Variants in KY observed in about 807,000 individuals in gnomAD.
KY encodes kyphoscoliosis peptidase.
A neutral mutation model predicts 76.1 loss-of-function variants in KY; 43 were observed. The ratio of observed to expected loss-of-function variants is 0.57; its 90% CI spans 0.44 to 0.73. KY has a LOEUF of 0.73. Among genes scored for constraint, KY ranks in the 30% least tolerant of loss-of-function variants. The pLI is 0.00. For missense variants in KY, 722 were observed against 828.9 expected (o/e 0.87, Z 1.58); for synonymous variants, 277 against 326.2 (o/e 0.85, Z 1.63).
chr3:134,644,100 T>C (rs540441999), intron 2 of KY, among the ~76,000 whole-genome samples: 39 of 152,268 alleles, frequency 2.6e-4, no homozygotes, highest in African/African-American at 8.4e-4. Context: ...GCTGGGATTA[T>C]AGGCGTGAGC....
intron 8 of KY, among the ~76,000 whole-genome samples, chr3:134,614,798 G>T (rs1961212577): frequency 1.3e-5 from 2 of 152,128 alleles, no homozygotes; most frequent in African/African-American, 4.8e-5. Flanking sequence ...CAGTACCAAG[G>T]CCAGGCCCCA....
intron 9 of KY, among the ~76,000 whole-genome samples, chr3:134,609,511 C>T (rs1439336141): frequency 1.3e-5 from 2 of 152,124 alleles, no homozygotes; most frequent in East Asian, 1.9e-4. Context: ...GTGCAAAAAT[C>T]GAGAGAGCAC....
At chr3:134,629,510 A>C in intron 4 of KY, 111 bp downstream of exon 4, 1 of 781,362 alleles carries the variant, frequency 1.3e-6, no homozygotes, top group South Asian at 1.6e-5. Flanking sequence ...TTGCAGGCCC[A>C]TGTCACTCTT....
chr3:134,604,993 G>A (rs1023871973), intron 10 of KY, among the ~76,000 whole-genome samples: 2 of 152,052 alleles, frequency 1.3e-5, no homozygotes, highest in African/African-American at 4.8e-5. Flanking sequence ...GTTGGGGTGG[G>A]GCAGTTCCCT....
At position 134,627,844 on chromosome 3, in the gene KY, A is replaced by G. The variant is rs768852329; in HGVS notation, c.338-26T>C. ...CTACAATATTCCAAAGATCAGAAGTATAGATACTTCAGAAGAAACAGAAAT... is the reference window on the plus strand; with the variant it reads ...CTACAATATTCCAAAGATCAGAAGTGTAGATACTTCAGAAGAAACAGAAAT... On this transcript the variant is annotated intron_variant, in intron 4 of 10. Transcript: ENST00000423778. 4 of 1,585,214 alleles carry G rather than the reference A, an allele frequency of 2.5e-6. No homozygotes were observed. The Admixed American group carries it at 6.7e-5, about 26-fold the overall frequency.
Position 134,650,904 on chromosome 3 carries a change from G to T in KY, c.57C>A (p.His19Gln). The T allele has an allele frequency of 2.5e-6, 4 of 1,613,280 alleles. No individual in the cohort carries two copies. The highest frequency in any genetic ancestry group is 1.7e-5 in the Admixed American group (1 of 59,996). The part of the protein sequence containing the change: ...AVSIDMLLIV[H>Q]SEKRRAAQGT... ...CCTGTGCGGCGCGCCGCTTCTCCGA[G>T]TGCACGATCAGCAGCATGTCGATAG... Residue 19 changes from histidine to glutamine, a missense_variant, in exon 1 of 11, where the codon CAC (histidine) becomes CAA (glutamine). By Grantham distance (24) the His-to-Gln change is conservative. Coordinates refer to ENST00000423778, the MANE Select transcript of KY (RefSeq NM_178554.6).
intron 3 of KY, among the ~76,000 whole-genome samples, chr3:134,636,072 T>C (rs1964927132): frequency 6.6e-6 from 1 of 152,240 alleles, no homozygotes. Flanking sequence ...TTAGAAATGA[T>C]GTGATGAACA....
chr3:134,642,188 C>T (rs1182099649), intron 3 of KY, among the ~76,000 whole-genome samples: 2 of 152,192 alleles, frequency 1.3e-5, no homozygotes, highest in South Asian at 2.1e-4. Context: ...CCTGCCAGCG[C>T]CTTTCTATAG....
At chr3:134,608,577 G>A in intron 10 of KY, 72 bp downstream of exon 10, 2 of 1,612,656 alleles carry the variant, frequency 1.2e-6, no homozygotes, top group Non-Finnish European at 8.5e-7. Context: ...GCAGTCTCAG[G>A]CGGGCTCCTG....
chr3:134,635,667 T>C lies in KY; in HGVS notation c.263-5972A>G, dbSNP rs186533160. Among the ~76,000 whole-genome samples the C allele has an allele frequency of 2.9e-4, 44 of 152,236 alleles. 1 individual carries two copies. Among genetic ancestry groups the C allele is most frequent in the African/African-American group, 1.0e-3 (43 of 41,550 alleles). ...GATGGTAACCACCATAGTGGTGGTT[T>C]CACAAATCTATGCATGTGTTAGCAA... On this transcript the variant is annotated intron_variant, in intron 3 of 10. Coordinates refer to ENST00000423778, the MANE Select transcript of KY (RefSeq NM_178554.6).
intron 3 of KY, among the ~76,000 whole-genome samples, chr3:134,635,899 A>G (rs1207374060): frequency 6.6e-6 from 1 of 152,154 alleles, no homozygotes; most frequent in African/African-American, 2.4e-5. Context: ...TAGTAAACAT[A>G]TTTTTCATAA....
rs551543497 is a variant in KY at position 134,606,974 on chromosome 3, C to A, written c.1090+1675G>T. 1.8e-4 allele frequency: 175 copies of A among 985,178 alleles called. No homozygotes were observed. The Middle Eastern group carries it at 3.1e-3, about 18-fold the overall frequency. 61.0% of individuals were successfully genotyped at this position (985,178 alleles called of 1,614,324 possible). A position where few individuals can be genotyped will look rare whatever the true frequency, so the allele number is the denominator to read the frequency against. On this transcript the variant is annotated intron_variant, in intron 10 of 10. Transcript: ENST00000423778. Reference sequence around the variant, plus strand: ...CCCCTCTCTTAACAGAACTAGCTACCACAAAGAAATACTCTGTACATAAGT... The same window carrying A: ...CCCCTCTCTTAACAGAACTAGCTACAACAAAGAAATACTCTGTACATAAGT...
In KY at chr3:134,603,892, C is replaced by T. The variant is rs374619070; in HGVS notation, c.1673G>A (p.Cys558Tyr). ...YIFVFNYLVC[C>Y]ANTKVNWPMF... is the part of the protein sequence containing the mutation. ...GGGCCAGTTCACCTTGGTGTTGGCA[C>T]AGCATACAAGGTAATTAAAGACGAA... is the stretch of plus-strand genomic sequence containing the variant. The change falls in exon 11 of 11, where the codon TGT (cysteine) becomes TAT (tyrosine). Residue 558 changes from cysteine to tyrosine, a missense_variant. Cys to Tyr is a radical substitution (Grantham distance 194). This residue lies in a region of KY where 552 missense variants were observed against 680.9 expected (regional missense o/e 0.81). Transcript: ENST00000423778. 41 of 1,613,916 alleles carry T rather than the reference C, an allele frequency of 2.5e-5. No individual in the cohort carries two copies. Among genetic ancestry groups the T allele is most frequent in the Non-Finnish European group, 3.3e-5 (39 of 1,179,904 alleles).
chr3:134,628,651 T>C (rs189162700), intron 4 of KY, among the ~76,000 whole-genome samples: 39 of 152,378 alleles, frequency 2.6e-4, no homozygotes, highest in Admixed American at 1.0e-3. Flanking sequence ...TTCGAAATGA[T>C]AGCTAGCATT....
Position 134,627,473 on chromosome 3 carries a change from G to A in KY, c.400+283C>T, listed in dbSNP as rs141075376. Among the ~76,000 whole-genome samples, 1,181 of 152,262 alleles carry A rather than the reference G, an allele frequency of 7.8e-3. 34 individuals carry two copies. The highest frequency in any genetic ancestry group is 0.047 in the Admixed American group (720 of 15,302). On this transcript the variant is annotated intron_variant, in intron 5 of 10. Coordinates refer to ENST00000423778, the MANE Select transcript of KY (RefSeq NM_178554.6). ...TTCCATTTAAAGTTAACATAATCCT[G>A]AATTACGATTTTAATATGTTTCCTA...
chr3:134,648,764 A>ACT (rs1966740034), intron 1 of KY, among the ~76,000 whole-genome samples: 1 of 152,036 alleles, frequency 6.6e-6, no homozygotes, highest in Admixed American at 6.6e-5. Context: ...CAGAAGGGCC[A>ACT]CTCGTTACGG....
At chr3:134,650,745 C>A (rs2108065623) in intron 1 of KY, 80 bp downstream of exon 1, 5 of 1,312,702 alleles carry the variant, frequency 3.8e-6, no homozygotes, top group South Asian at 3.1e-5. Context: ...GAGCAATGGG[C>A]GCCCCCCGGC....
chr3:134,610,385 T>C lies in KY; in HGVS notation c.711-2A>G. Reference sequence around the variant, plus strand: ...GTCATACACTGCACTCCGGCGAGCCTGGGGGCAGGACAGGGGGTCTGAGAG... The same window carrying C: ...GTCATACACTGCACTCCGGCGAGCCCGGGGGCAGGACAGGGGGTCTGAGAG... On this transcript the variant is annotated splice_acceptor_variant, in intron 8 of 10. Coordinates refer to ENST00000423778, the MANE Select transcript of KY (RefSeq NM_178554.6). LOFTEE classifies it high-confidence loss of function. 6.2e-7 allele frequency: 1 copy of C among 1,610,056 alleles called. No homozygotes were observed.
intron 10 of KY, among the ~76,000 whole-genome samples, chr3:134,605,347 G>A (rs968403128): frequency 2.6e-5 from 4 of 152,098 alleles, no homozygotes; most frequent in Non-Finnish European, 5.9e-5. Flanking sequence ...AACCTCCCCA[G>A]CCCCGTTCAC....
Sources: allele counts gnomAD v4.1 joint callset (sites outside exome capture counted in the v4.1 genomes callset), GRCh38; gene constraint gnomAD v4.1.1; regional missense constraint gnomAD v4.1.1; transcripts MANE v1.5; gene names NCBI Gene and HGNC (gene_info 2026-07-23, HGNC 2026-07-21).